RCC1: variants seen among roughly 807,000 people sequenced by gnomAD.
RCC1 encodes regulator of chromosome condensation.
In RCC1, 11 loss-of-function variants were observed where a neutral mutation model predicts 44.4. That is an observed-to-expected ratio of 0.25 (90% CI 0.16 to 0.41). The LOEUF (loss-of-function observed/expected upper bound fraction) is 0.41, where lower values mean the gene tolerates loss of function less well. Ranked by LOEUF, RCC1 falls within the 10% of genes least tolerant of loss-of-function variation. The pLI, the probability that RCC1 is intolerant of heterozygous loss-of-function variation, is 1.00. For synonymous variants in RCC1, 213 were observed against 216.5 expected (o/e 0.98, Z 0.14); for missense variants, 386 against 547.1 (o/e 0.71, Z 2.94).
intron 4 of RCC1, among the ~76,000 whole-genome samples, chr1:28,525,199 T>C (rs1425645145): frequency 1.3e-5 from 2 of 152,176 alleles, no homozygotes; most frequent in Admixed American, 6.6e-5. Context: ...CACAGTGCTT[T>C]TCCATACGAT....
Position 28,531,909 on chromosome 1 carries a change from G to A in RCC1, c.180G>A (p.Pro60=), listed in dbSNP as rs776677131. Residue 60 remains proline, a synonymous_variant, in exon 6 of 13, where the codon CCG becomes CCA. Coordinates refer to ENST00000683442, the MANE Select transcript of RCC1 (RefSeq NM_001381865.2). ...LGENVMERKK[P]ALVSIPEDVV... ...AGAATGTGATGGAGAGGAAGAAGCC[G>A]GCCCTGGTATCCATTCCGGAGGATG... 13 of 1,609,624 alleles carry A rather than the reference G, an allele frequency of 8.1e-6. No individual in the cohort carries two copies. Among genetic ancestry groups the A allele is most frequent in the African/African-American group, 2.7e-5 (2 of 74,806 alleles).
At chr1:28,507,756 G>A (rs569732124) in intron 1 of RCC1, 15 of 338,254 alleles carry the variant, frequency 4.4e-5, no homozygotes, top group Admixed American at 1.6e-4. Flanking sequence ...ACAGGCCCCC[G>A]CCACCACGCC....
At chr1:28,518,830 C>G (rs1011134780) in intron 4 of RCC1, 1 of 152,304 alleles carries the variant, frequency 6.6e-6, no homozygotes, top group South Asian at 2.1e-4. Context: ...GCAGCTCAGT[C>G]TGTCAGCAGA....
intron 7 of RCC1, among the ~76,000 whole-genome samples, chr1:28,534,786 T>C (rs1166631862): frequency 3.3e-5 from 5 of 152,250 alleles, no homozygotes; most frequent in African/African-American, 1.2e-4. Context: ...AATAGTATAT[T>C]GAGTGCCCAT....
intron 4 of RCC1, among the ~76,000 whole-genome samples, chr1:28,525,368 G>A (rs566645170): frequency 6.6e-6 from 1 of 151,990 alleles, no homozygotes; most frequent in Non-Finnish European, 1.5e-5. Flanking sequence ...TATGAGGGGT[G>A]GTCTCCTCCC....
Position 28,536,621 on chromosome 1 carries a change from A to C in RCC1, c.938-126A>C. 2 of 1,243,820 alleles carry C rather than the reference A, an allele frequency of 1.6e-6. No homozygotes were observed. The highest frequency in any genetic ancestry group is 2.7e-5 in the South Asian group (2 of 72,954). The allele number at this position is 1,243,820 out of a possible 1,614,324, so 77.0% of individuals were successfully genotyped here. ...CCAAAACTGGGAAGAGACACTGCAG[A>C]TCTCCTTCTGATCGCTCTGGGAGCA... On this transcript the variant is annotated intron_variant, in intron 11 of 12. Coordinates refer to ENST00000683442, the MANE Select transcript of RCC1 (RefSeq NM_001381865.2). This position sits in a 1 kb window ranked among gnomAD's most constrained non-coding sequence, Gnocchi z 4.9.
rs191645697 is a variant in RCC1 at position 28,509,345 on chromosome 1, G to A, written c.-153+440G>A. 357 of 170,084 alleles carry A rather than the reference G, an allele frequency of 2.1e-3. 2 individuals carry two copies. The highest frequency in any genetic ancestry group is 6.6e-3 in the Admixed American group (117 of 17,668). 10.5% of individuals were successfully genotyped at this position (170,084 alleles called of 1,614,324 possible). A position where few individuals can be genotyped will look rare whatever the true frequency, so the allele number is the denominator to read the frequency against. On this transcript the variant is annotated intron_variant, in intron 3 of 12. Coordinates refer to ENST00000683442, the MANE Select transcript of RCC1 (RefSeq NM_001381865.2). ...CAACTTCCGCCTCCCAGGTTCAGGC[G>A]ATTCTCCTGCCTCAGCCTCCCAAGT...
chr1:28,509,340 C>T (rs1487626582), intron 3 of RCC1: 1 of 171,170 alleles, frequency 5.8e-6, no homozygotes, highest in Non-Finnish European at 1.3e-5. Flanking sequence ...CTCCCAGGTT[C>T]AGGCGATTCT....
chr1:28,523,284 G>T, intron 4 of RCC1, among the ~76,000 whole-genome samples: 1 of 152,060 alleles, frequency 6.6e-6, no homozygotes, highest in Non-Finnish European at 1.5e-5. Context: ...CTCCCAAAGT[G>T]CTGGGATTAC....
At position 28,508,911 on chromosome 1, in the gene RCC1, CTGA is replaced by C. The variant is rs1031315910; in HGVS notation, c.-153+8_-153+10del. 2.0e-6 allele frequency: 1 copy of C among 509,970 alleles called. No homozygotes were observed. Among genetic ancestry groups the C allele is most frequent in the Non-Finnish European group, 3.9e-6 (1 of 257,542 alleles). 31.6% of individuals were successfully genotyped at this position (509,970 alleles called of 1,614,324 possible). ...TTATATAGAAGGGAGAGTAGGTAAA[CTGA>C]TTTTTTTTTTTAACAGGGAGGGTTT... is the stretch of plus-strand genomic sequence containing the variant. On this transcript the variant is annotated splice_region_variant and intron_variant, in intron 3 of 12. Transcript: ENST00000683442.
chr1:28,526,383 A>T, intron 4 of RCC1: 1 of 428,424 alleles, frequency 2.3e-6, no homozygotes, highest in Non-Finnish European at 4.5e-6. Context: ...AGGACCTTCT[A>T]ACAGCACACC....
At chr1:28,518,270 G>C (rs1000178726) in intron 4 of RCC1, 4 of 152,212 alleles carry the variant, frequency 2.6e-5, no homozygotes, top group African/African-American at 9.6e-5. Flanking sequence ...GCGGCCCGGC[G>C]GGGAGCGCCG....
At chr1:28,533,852 T>C (rs1439153470) in intron 7 of RCC1, among the ~76,000 whole-genome samples, 6 of 12,308 alleles carry the variant, frequency 4.9e-4, no homozygotes, top group African/African-American at 3.5e-3. Context: ...TTTCTTTTTT[T>C]TTTTTTTTTT....
chr1:28,511,656 A>T (rs1218001988), intron 3 of RCC1, among the ~76,000 whole-genome samples: 1 of 150,260 alleles, frequency 6.7e-6, no homozygotes, highest in East Asian at 1.9e-4. Flanking sequence ...GGCGTCAGCC[A>T]CCATGCCCAG....
intron 3 of RCC1, among the ~76,000 whole-genome samples, chr1:28,514,006 C>CA (rs879902209): frequency 1.5e-3 from 210 of 141,376 alleles, no homozygotes; most frequent in African/African-American, 2.8e-3. Context: ...ACTAAAAATA[C>CA]AAAAAAAAAA....
At chr1:28,534,327 C>T (rs1664405785) in intron 7 of RCC1, among the ~76,000 whole-genome samples, 1 of 152,156 alleles carries the variant, frequency 6.6e-6, no homozygotes, top group South Asian at 2.1e-4. Context: ...ACTACAGGCG[C>T]CCGCTACAAC....
chr1:28,530,128 CCT>C (rs951625838), intron 5 of RCC1, among the ~76,000 whole-genome samples, 189 bp downstream of exon 5: 3 of 149,804 alleles, frequency 2.0e-5, no homozygotes, highest in African/African-American at 7.4e-5. Flanking sequence ...GGCAGAAACT[CCT>C]CTCAAAGCAC....
intron 4 of RCC1, among the ~76,000 whole-genome samples, chr1:28,525,219 CTA>C (rs1663568433): frequency 6.6e-6 from 1 of 152,136 alleles, no homozygotes; most frequent in South Asian, 2.1e-4. Flanking sequence ...TGTCTGGAAT[CTA>C]TAGATAACAT....
At position 28,519,519 on chromosome 1, in the gene RCC1, T is replaced by C. The variant is rs142977701; in HGVS notation, c.-10+2652T>C. On this transcript the variant is annotated intron_variant, in intron 4 of 12. Coordinates refer to ENST00000683442, the MANE Select transcript of RCC1 (RefSeq NM_001381865.2). ...GCAACCCACCCAGTCCCCCAGAGCA[T>C]TGGTTTCCTTATCTGTAAAGCAATG... Among the ~76,000 whole-genome samples, 886 of 152,208 alleles carry C rather than the reference T, an allele frequency of 5.8e-3. 18 individuals carry two copies. The highest frequency in any genetic ancestry group is 4.9e-3 in the Non-Finnish European group (335 of 67,992).
Sources: allele counts gnomAD v4.1 joint callset (sites outside exome capture counted in the v4.1 genomes callset), GRCh38; gene constraint gnomAD v4.1.1; non-coding constraint Gnocchi (gnomAD v3.1); transcripts MANE v1.5; gene names NCBI Gene and HGNC (gene_info 2026-07-23, HGNC 2026-07-21).